The following CHRNA3 variants were observed in gnomAD, a reference collection of about 807,000 sequenced individuals.
CHRNA3 encodes neuronal acetylcholine receptor subunit alpha-3.
Under a neutral mutation model 41.9 loss-of-function variants are expected in CHRNA3, and 34 were observed. The ratio of observed to expected loss-of-function variants is 0.81; its 90% CI spans 0.62 to 1.08. The LOEUF is 1.08. Ranked by LOEUF, CHRNA3 falls within the 50% of genes least tolerant of loss-of-function variation. The pLI is 0.00. For synonymous variants in CHRNA3, 281 were observed against 265.2 expected (o/e 1.06, Z -0.58); for missense variants, 542 against 638.3 (o/e 0.85, Z 1.63).
At chr15:78,604,240 G>C (rs1003992774) in intron 4 of CHRNA3, among the ~76,000 whole-genome samples, 1 of 152,206 alleles carries the variant, frequency 6.6e-6, no homozygotes, top group Admixed American at 6.5e-5. Context: ...GTCACTGTAT[G>C]ACCCACAACG....
At chr15:78,612,210 A>C (rs1256933229) in intron 4 of CHRNA3, among the ~76,000 whole-genome samples, 2 of 151,890 alleles carry the variant, frequency 1.3e-5, no homozygotes, top group Non-Finnish European at 2.9e-5. Context: ...GAATTGGAAA[A>C]AACTACTTTA....
intron 4 of CHRNA3, among the ~76,000 whole-genome samples, chr15:78,616,389 C>T (rs1462030120): frequency 7.8e-6 from 1 of 128,320 alleles, no homozygotes; most frequent in Non-Finnish European, 1.6e-5. Flanking sequence ...TCCTTGGTAA[C>T]CATGCCAGTC....
At chr15:78,615,939 G>A (rs923951029) in intron 4 of CHRNA3, among the ~76,000 whole-genome samples, 5 of 150,462 alleles carry the variant, frequency 3.3e-5, no homozygotes, top group Non-Finnish European at 7.4e-5. Context: ...ATGGGGTTTT[G>A]GTATATTGGC....
intron 4 of CHRNA3, among the ~76,000 whole-genome samples, chr15:78,608,791 G>A (rs1208695323): frequency 1.3e-5 from 2 of 151,934 alleles, no homozygotes; most frequent in Non-Finnish European, 1.5e-5. Flanking sequence ...CCAAGCTACA[G>A]GAGGAAATTC....
In CHRNA3 at chr15:78,601,352, A is replaced by G. The variant is rs746255015; in HGVS notation, c.1290T>C (p.Ala430=). Residue 430 remains alanine, a synonymous_variant, in exon 5 of 6, where the codon GCT becomes GCC. Coordinates refer to ENST00000326828, the MANE Select transcript of CHRNA3 (RefSeq NM_000743.5). ...TRSSSSESVD[A]VLSLSALSPE... ...GTGACAAAGCAGAGAGGGACAGCAC[A>G]GCATCAACAGATTCAGAACTAGAGC... The G allele has an allele frequency of 2.5e-5, 40 of 1,614,104 alleles. No homozygotes were observed. Among genetic ancestry groups the G allele is most frequent in the Non-Finnish European group, 3.2e-5 (38 of 1,180,034 alleles).
Position 78,601,843 on chromosome 15 carries a change from A to C in CHRNA3, c.799T>G (p.Ser267Ala). 1 of 1,614,126 alleles carries C rather than the reference A, an allele frequency of 6.2e-7. No homozygotes were observed. Residue 267 changes from serine to alanine, a missense_variant, in exon 5 of 6, where the codon TCC becomes GCC. Physicochemically the swap from Ser to Ala is moderately conservative, Grantham distance 99 (BLOSUM62 1). Transcript: ENST00000326828. ...AGGGTCACCTTCTCACCGCAGTCGGAGGGCAGGTAGAAGACGAGCACAGTG... is the reference window on the plus strand; with the variant it reads ...AGGGTCACCTTCTCACCGCAGTCGGCGGGCAGGTAGAAGACGAGCACAGTG... ...FLTVLVFYLP[S>A]DCGEKVTLCI...
intron 4 of CHRNA3, among the ~76,000 whole-genome samples, chr15:78,612,120 T>C (rs58261795): frequency 0.036 from 5,434 of 151,938 alleles, 327 homozygotes; most frequent in African/African-American, 0.12. Flanking sequence ...AGAATCAATA[T>C]CGTGAAAATG....
At chr15:78,616,086 G>A (rs2053456894) in intron 4 of CHRNA3, among the ~76,000 whole-genome samples, 1 of 68 alleles carries the variant, frequency 0.015, no homozygotes, top group African/African-American at 0.062. Flanking sequence ...GGGCATGGTG[G>A]CTCATGCTGT....
chr15:78,599,069 A>G lies in CHRNA3; in HGVS notation c.1389+2184T>C, dbSNP rs1248705215. On this transcript the variant is annotated intron_variant, in intron 5 of 5. Coordinates refer to ENST00000326828, the MANE Select transcript of CHRNA3 (RefSeq NM_000743.5). ...TGGCCAGGCTGGTCTTGAACTCCCA[A>G]CCTCAGGTGATCCACCTGCCTCGGC... Among the ~76,000 whole-genome samples the G allele has an allele frequency of 2.6e-5, 4 of 151,110 alleles. No individual in the cohort carries two copies. The South Asian group carries it at 6.3e-4, about 24-fold the overall frequency.
At chr15:78,609,705 CAGGACCAA>C (rs1306910366) in intron 4 of CHRNA3, among the ~76,000 whole-genome samples, 1 of 152,140 alleles carries the variant, frequency 6.6e-6, no homozygotes, top group African/African-American at 2.4e-5. Flanking sequence ...ATAATAATGA[CAGGACCAA>C]ATTCACACAT....
intron 4 of CHRNA3, among the ~76,000 whole-genome samples, chr15:78,605,348 G>A (rs1034983108): frequency 3.3e-5 from 5 of 152,186 alleles, no homozygotes; most frequent in African/African-American, 1.2e-4. Flanking sequence ...CAGGATATGA[G>A]AGTGTGCGGT....
Position 78,602,175 on chromosome 15 carries a change from T to G in CHRNA3, c.467A>C (p.Lys156Thr). The G allele has an allele frequency of 6.2e-7, 1 of 1,614,140 alleles. No individual in the cohort carries two copies. The highest frequency in any genetic ancestry group is 8.5e-7 in the Non-Finnish European group (1 of 1,180,024). ...EVTWIPPAIF[K>T]SSCKIDVTYF... is the part of the protein sequence containing the mutation. Reference sequence around the variant, plus strand: ...GGTCACGTCGATTTTACAGGAGCTCTTAAAGATGGCCGGAGGTATCCAAGT... The same window carrying G: ...GGTCACGTCGATTTTACAGGAGCTCGTAAAGATGGCCGGAGGTATCCAAGT... Residue 156 changes from lysine to threonine, a missense_variant, in exon 5 of 6, where the codon AAG becomes ACG. Physicochemically the swap from Lys to Thr is moderately conservative, Grantham distance 78. Coordinates refer to ENST00000326828, the MANE Select transcript of CHRNA3 (RefSeq NM_000743.5).
intron 4 of CHRNA3, among the ~76,000 whole-genome samples, chr15:78,613,123 G>A (rs1335308000): frequency 2.0e-5 from 3 of 152,194 alleles, no homozygotes; most frequent in Non-Finnish European, 4.4e-5. Context: ...CTGTTGGTGG[G>A]AGTGTAAACT....
chr15:78,617,513 T>A lies in CHRNA3; in HGVS notation c.268-380A>T, dbSNP rs114515658. ...CAGCCCCTGAATGGCTCTCCAGGGG[T>A]GTTTTCCAACATAGACACTCTTTCA... On this transcript the variant is annotated intron_variant, in intron 3 of 5. Transcript: ENST00000326828. Among the ~76,000 whole-genome samples, 876 of 152,042 alleles carry A rather than the reference T, an allele frequency of 5.8e-3. 14 individuals carry two copies. Among genetic ancestry groups the A allele is most frequent in the African/African-American group, 0.02 (826 of 41,438 alleles).
intron 4 of CHRNA3, among the ~76,000 whole-genome samples, chr15:78,613,583 G>C (rs1288933008): frequency 5.6e-5 from 7 of 125,756 alleles, no homozygotes; most frequent in African/African-American, 2.0e-4. Context: ...GGTGGGGGGA[G>C]GGGGGAGAGA....
At chr15:78,608,414 ACTGTTCTACAGCCACCG>A (rs1257634632) in intron 4 of CHRNA3, among the ~76,000 whole-genome samples, 1 of 152,288 alleles carries the variant, frequency 6.6e-6, no homozygotes, top group Admixed American at 6.5e-5. Context: ...ACCAAGATCC[ACTGTTCTACAGCCACCG>A]CTGTTCTGCA....
At chr15:78,598,511 C>T (rs756192339) in intron 5 of CHRNA3, among the ~76,000 whole-genome samples, 7 of 151,956 alleles carry the variant, frequency 4.6e-5, no homozygotes, top group Non-Finnish European at 1.0e-4. Flanking sequence ...CTTCCCCACT[C>T]AGCTTCCTGA....
chr15:78,602,431 G>A (rs1262915640), intron 4 of CHRNA3, among the ~76,000 whole-genome samples, 167 bp from the exon 5 acceptor site: 2 of 152,180 alleles, frequency 1.3e-5, no homozygotes, highest in Non-Finnish European at 2.9e-5. Flanking sequence ...TTTACCAACA[G>A]GGATACTGAG....
intron 4 of CHRNA3, among the ~76,000 whole-genome samples, chr15:78,609,012 T>C (rs925791460): frequency 6.6e-6 from 1 of 151,804 alleles, no homozygotes; most frequent in African/African-American, 2.4e-5. Flanking sequence ...TGAAATGAAG[T>C]GAGAAGGGAA....
Sources: gnomAD v4.1 joint callset for allele counts (sites outside exome capture counted in the v4.1 genomes callset) on GRCh38, gnomAD v4.1.1 for gene constraint, MANE v1.5 for transcripts, NCBI Gene and HGNC (gene_info 2026-07-23, HGNC 2026-07-21) for gene names.